The following MAGI3 variants were observed in gnomAD, a reference collection of about 807,000 sequenced individuals.
The protein encoded by MAGI3 is membrane associated guanylate kinase, WW and PDZ domain containing 3.
Under a neutral mutation model 121.8 loss-of-function variants are expected in MAGI3, and 43 were observed. That is an observed-to-expected ratio of 0.35 (90% CI 0.28 to 0.46). The LOEUF (loss-of-function observed/expected upper bound fraction) is 0.46. Among genes scored for constraint, MAGI3 ranks in the 20% least tolerant of loss-of-function variants. MAGI3 has a pLI of 1.00. For missense variants in MAGI3, 1,547 were observed against 1,797.3 expected, an observed-to-expected ratio of 0.86 and a Z score of 2.52; for synonymous variants, 553 against 639.3, an observed-to-expected ratio of 0.86 and a Z score of 2.04.
intron 20 of MAGI3, 194 bp from the exon 21 acceptor site, chr1:113,682,703 C>T: frequency 1.0e-6 from 1 of 979,398 alleles, no homozygotes; most frequent in Non-Finnish European, 1.2e-6. Context: ...AACAACCCAT[C>T]CTTCATGTAT....
At chr1:113,495,737 T>TA (rs530333726) in intron 1 of MAGI3, among the ~76,000 whole-genome samples, 47 of 152,302 alleles carry the variant, frequency 3.1e-4, no homozygotes, top group African/African-American at 1.1e-3. Context: ...TTATGTTTGT[T>TA]ATTAGGGATA....
intron 16 of MAGI3, among the ~76,000 whole-genome samples, chr1:113,661,759 A>G (rs1297878344): frequency 1.3e-5 from 2 of 152,206 alleles, no homozygotes; most frequent in Non-Finnish European, 2.9e-5. Context: ...AGCTCCCTAG[A>G]AGATATATAC....
intron 2 of MAGI3, among the ~76,000 whole-genome samples, chr1:113,577,286 G>A (rs1274271528): frequency 6.6e-6 from 1 of 152,136 alleles, no homozygotes; most frequent in Non-Finnish European, 1.5e-5. Flanking sequence ...GGTAAGACTT[G>A]GCCATTGAGT....
chr1:113,497,076 G>GGGGA (rs1656953057), intron 1 of MAGI3, among the ~76,000 whole-genome samples: 1 of 152,156 alleles, frequency 6.6e-6, no homozygotes, highest in South Asian at 2.1e-4. Context: ...TGGGCAACGT[G>GGGGA]GGGAGAGCCC....
At chr1:113,478,650 G>C (rs1313295563) in intron 1 of MAGI3, among the ~76,000 whole-genome samples, 3 of 152,184 alleles carry the variant, frequency 2.0e-5, no homozygotes, top group Non-Finnish European at 4.4e-5. Flanking sequence ...GTCTATATGA[G>C]GTGGCTGTCG....
intron 9 of MAGI3, among the ~76,000 whole-genome samples, chr1:113,634,333 A>T (rs1446282286): frequency 9.2e-5 from 14 of 152,010 alleles, no homozygotes; most frequent in African/African-American, 2.7e-4. Context: ...CTGAATGGTA[A>T]TGCCTAGGTT....
intron 1 of MAGI3, among the ~76,000 whole-genome samples, chr1:113,440,730 G>A (rs1456124248): frequency 3.9e-5 from 6 of 152,136 alleles, no homozygotes; most frequent in Non-Finnish European, 8.8e-5. Context: ...GGTGGTGGTG[G>A]TGATGATGAT....
intron 1 of MAGI3, among the ~76,000 whole-genome samples, chr1:113,484,063 G>A (rs577714655): frequency 6.6e-6 from 1 of 152,070 alleles, no homozygotes; most frequent in Admixed American, 6.6e-5. Context: ...CCAGTTTTCA[G>A]ATTTAGAAAT....
rs1272014637 is a variant in MAGI3 at position 113,391,513 on chromosome 1, TC to T, written c.316+167del. Among the ~76,000 whole-genome samples, 1 of 151,784 alleles carries T rather than the reference TC, an allele frequency of 6.6e-6. No individual in the cohort carries two copies. The highest frequency in any genetic ancestry group is 1.5e-5 in the Non-Finnish European group (1 of 67,940). ...GAGGGGGAGGGGTGGCGTTGGTGAG[TC>T]CCATTTTGCCGAAGGGAAAACTGAG... On this transcript the variant is annotated intron_variant, in intron 1 of 20. Transcript: ENST00000307546. The surrounding 1 kb of genome is among the most constrained non-coding windows in gnomAD (Gnocchi z 4.4).
Position 113,391,004 on chromosome 1 carries a change from G to A in MAGI3, c.-30G>A. On this transcript the variant is annotated 5_prime_UTR_variant, in exon 1 of 21. Coordinates refer to ENST00000307546, the MANE Select transcript of MAGI3 (RefSeq NM_001142782.2). The surrounding 1 kb of genome is among the most constrained non-coding windows in gnomAD (Gnocchi z 4.4). ...AGCGGCGCCCCGGCCGCCCGCGCGG[G>A]GTCTCCCCCATGGTGCAGCGGGGTT... 6.6e-7 allele frequency: 1 copy of A among 1,516,920 alleles called. No individual in the cohort carries two copies. Among genetic ancestry groups the A allele is most frequent in the Non-Finnish European group, 8.8e-7 (1 of 1,136,860 alleles). The allele number at this position is 1,516,920 out of a possible 1,614,324, so 94.0% of individuals were successfully genotyped here. A position where few individuals can be genotyped will look rare whatever the true frequency, so the allele number is the denominator to read the frequency against.
intron 1 of MAGI3, among the ~76,000 whole-genome samples, chr1:113,523,068 C>T (rs933520225): frequency 1.3e-5 from 2 of 152,110 alleles, no homozygotes; most frequent in South Asian, 2.1e-4. Flanking sequence ...ATAAGTCTCA[C>T]GAGATCTGAT....
At chr1:113,430,759 G>A (rs1653262135) in intron 1 of MAGI3, among the ~76,000 whole-genome samples, 1 of 152,044 alleles carries the variant, frequency 6.6e-6, no homozygotes, top group African/African-American at 2.4e-5. Flanking sequence ...CTAAATTCTT[G>A]TTCTAAAGGA....
intron 4 of MAGI3, among the ~76,000 whole-genome samples, chr1:113,589,438 G>C (rs1310509727): frequency 6.6e-6 from 1 of 152,042 alleles, no homozygotes; most frequent in Non-Finnish European, 1.5e-5. Flanking sequence ...GATTTAAGCA[G>C]AGTTCTGATT....
At chr1:113,643,458 A>T (rs1652662303) in intron 10 of MAGI3, among the ~76,000 whole-genome samples, 1 of 152,230 alleles carries the variant, frequency 6.6e-6, no homozygotes, top group African/African-American at 2.4e-5. Flanking sequence ...GTTCAATGTC[A>T]CACAGGTTTG....
At chr1:113,465,614 T>A (rs1655244271) in intron 1 of MAGI3, among the ~76,000 whole-genome samples, 1 of 152,168 alleles carries the variant, frequency 6.6e-6, no homozygotes. Flanking sequence ...AGTAACAATA[T>A]TAATTCTTCT....
intron 6 of MAGI3, 89 bp from the exon 7 acceptor site, chr1:113,614,512 A>T: frequency 1.0e-6 from 1 of 980,396 alleles, no homozygotes; most frequent in Non-Finnish European, 1.6e-6. Context: ...CCCAAATATT[A>T]GTATAATGAA....
chr1:113,668,948 A>G (rs1452813556), intron 16 of MAGI3, among the ~76,000 whole-genome samples: 2 of 152,342 alleles, frequency 1.3e-5, no homozygotes, highest in Non-Finnish European at 2.9e-5. Flanking sequence ...GAAATGTCTC[A>G]TCTGGAATGG....
At chr1:113,495,316 T>C (rs1314820313) in intron 1 of MAGI3, among the ~76,000 whole-genome samples, 1 of 152,062 alleles carries the variant, frequency 6.6e-6, no homozygotes, top group African/African-American at 2.4e-5. Flanking sequence ...GCTTGTAGAC[T>C]TCCAAAGAAT....
chr1:113,464,043 A>G (rs1008750402), intron 1 of MAGI3, among the ~76,000 whole-genome samples: 2 of 152,106 alleles, frequency 1.3e-5, no homozygotes, highest in Non-Finnish European at 2.9e-5. Flanking sequence ...TGTACAATAG[A>G]TTAAGTTATA....
Sources: gnomAD v4.1 joint callset for allele counts (sites outside exome capture counted in the v4.1 genomes callset) on GRCh38, gnomAD v4.1.1 for gene constraint, Gnocchi (gnomAD v3.1) non-coding constraint, MANE v1.5 for transcripts, NCBI Gene and HGNC (gene_info 2026-07-23, HGNC 2026-07-21) for gene names.